PCDHAC1: variants seen among roughly 807,000 people sequenced by gnomAD.
PCDHAC1 encodes the protein protocadherin alpha-C1.
PCDHAC1 carries 42 observed loss-of-function variants against 60.0 expected under a neutral mutation model. That is an observed-to-expected ratio of 0.70 (90% CI 0.55 to 0.90). PCDHAC1 has a LOEUF of 0.90. PCDHAC1 is among the 40% of genes least tolerant of loss of function. PCDHAC1 has a pLI of 0.00. For missense variants in PCDHAC1, 1,160 were observed against 1,222.3 expected (o/e 0.95, Z 0.76); for synonymous variants, 468 against 499.3 (o/e 0.94, Z 0.84).
intron 1 of PCDHAC1, chr5:140,930,126 C>T (rs1286889846): frequency 6.6e-6 from 1 of 152,108 alleles, no homozygotes; most frequent in Non-Finnish European, 1.5e-5. Flanking sequence ...GGATATAGGA[C>T]TTGACAACCT....
rs782489417 is a variant in PCDHAC1, at chr5:140,927,802, A to C, written c.910A>C (p.Thr304Pro). 6.2e-6 allele frequency: 10 copies of C among 1,614,148 alleles called. No homozygotes were observed. The East Asian group carries it at 2.0e-4, about 32-fold the overall frequency. The change falls in exon 1 of 4, where the codon ACG becomes CCG. Residue 304 changes from threonine to proline, a missense_variant. Around this residue, in one of 3 missense-constraint regions of PCDHAC1, gnomAD observed 1,113 missense variants for 1,163.7 expected, o/e 0.96. Transcript: ENST00000253807. ...AGCTGCTTCACTAGGTCCGCCTGAA[A>C]CGCTCTTGGAGGCATACATTGAGGC... ...QVAASLGPPE[T>P]LLEAYIEARD...
At chr5:140,989,013 G>A (rs1171400170) in intron 3 of PCDHAC1, 1 of 152,208 alleles carries the variant, frequency 6.6e-6, no homozygotes, top group Non-Finnish European at 1.5e-5. Context: ...ACTTATTATA[G>A]TTTCTTCAGT....
chr5:141,005,662 A>G (rs2098227817), intron 3 of PCDHAC1, among the ~76,000 whole-genome samples: 1 of 138,324 alleles, frequency 7.2e-6, no homozygotes, highest in East Asian at 2.2e-4. Context: ...AGATCGCGCC[A>G]CTGCACTCCA....
intron 1 of PCDHAC1, among the ~76,000 whole-genome samples, chr5:140,976,972 C>T (rs969505831): frequency 2.6e-5 from 4 of 152,182 alleles, no homozygotes; most frequent in Non-Finnish European, 5.9e-5. Flanking sequence ...TTCCTTTTCC[C>T]TGCCTGATCT....
At chr5:140,989,619 TC>T (rs2097351060) in intron 3 of PCDHAC1, among the ~76,000 whole-genome samples, 1 of 152,196 alleles carries the variant, frequency 6.6e-6, no homozygotes. Flanking sequence ...TGAAAGTCTG[TC>T]CTAGTGACAG....
chr5:140,986,285 A>AGACT (rs1311762694), intron 3 of PCDHAC1, among the ~76,000 whole-genome samples: 3 of 152,134 alleles, frequency 2.0e-5, no homozygotes, highest in Admixed American at 2.0e-4. Flanking sequence ...GCTTCCCTTG[A>AGACT]GACTGAGCAG....
intron 3 of PCDHAC1, among the ~76,000 whole-genome samples, chr5:140,994,127 A>T (rs536865883): frequency 6.6e-6 from 1 of 152,348 alleles, no homozygotes; most frequent in South Asian, 2.1e-4. Flanking sequence ...GATAAGGGCG[A>T]CAATAATGCC....
chr5:140,940,983 C>G lies in PCDHAC1; in HGVS notation c.2433+11658C>G, dbSNP rs572659107. On this transcript the variant is annotated intron_variant, in intron 1 of 3. Coordinates refer to ENST00000253807, the MANE Select transcript of PCDHAC1 (RefSeq NM_018898.5). ...ATGCAGGATATCTGGTATCTAGTTA[C>G]AAGTTTATAGGATTAAATTTTCCTT... 3.9e-5 allele frequency among the ~76,000 whole-genome samples: 6 copies of G among 152,294 alleles called. No homozygotes were observed. In the South Asian group the frequency reaches 1.0e-3, roughly 26 times the overall value.
rs1379551578 is a variant in PCDHAC1, at chr5:140,929,052, C to G, written c.2160C>G (p.Arg720=). The G allele has an allele frequency of 6.2e-7, 1 of 1,614,058 alleles. No individual in the cohort carries two copies. Among genetic ancestry groups the G allele is most frequent in the African/African-American group, 1.3e-5 (1 of 74,920 alleles). Residue 720 remains arginine, a synonymous_variant, in exon 1 of 4, where the codon CGC becomes CGG. Transcript: ENST00000253807. The stretch of plus-strand genomic sequence containing the variant: ...GCTGTTGCGCTCAGAGCTGCTGTCG[C>G]TCTACAGAGGATCTGAGGTATGGAA... ...SPGCCAQSCC[R]STEDLRYGSK...
chr5:140,956,809 T>C (rs868918745), intron 1 of PCDHAC1, among the ~76,000 whole-genome samples: 2 of 152,198 alleles, frequency 1.3e-5, no homozygotes, highest in Non-Finnish European at 1.5e-5. Flanking sequence ...TATTTATTAT[T>C]GCTTCAATTT....
intron 1 of PCDHAC1, among the ~76,000 whole-genome samples, chr5:140,976,091 C>CAACTTTTCAA (rs2096700073): frequency 6.6e-6 from 1 of 152,166 alleles, no homozygotes; most frequent in Non-Finnish European, 1.5e-5. Flanking sequence ...TATCAGTAGT[C>CAACTTTTCAA]AACTTTTCAA....
Position 140,928,958 on chromosome 5 carries a change from C to T in PCDHAC1, c.2066C>T (p.Ala689Val). The T allele has an allele frequency of 6.2e-7, 1 of 1,613,930 alleles. No homozygotes were observed. The highest frequency in any genetic ancestry group is 1.1e-5 in the South Asian group (1 of 91,080). ...AQNLYLVIAL[A>V]CISFLFLGCL... ...AACTTGTATTTAGTAATTGCCTTGG[C>T]TTGTATTTCCTTTTTATTTCTGGGG... Residue 689 changes from alanine (A) to valine (V), a missense_variant, in exon 1 of 4, where the codon GCT becomes GTT. This residue lies in a region of PCDHAC1 where 1,113 missense variants were observed against 1,163.7 expected (regional missense o/e 0.96). Transcript: ENST00000253807.
In PCDHAC1 at chr5:140,928,428, C is replaced by T. The variant is rs1273911750; in HGVS notation, c.1536C>T (p.Ser512=). The part of the protein sequence containing the change: ...SSSGAITAKT[S]FDFEQLRGFH... ...GTGGGGCCATCACTGCCAAAACTTC[C>T]TTTGACTTTGAGCAGCTCAGGGGGT... The change falls in exon 1 of 4, where the codon TCC becomes TCT. Residue 512 remains serine, a synonymous_variant. Transcript: ENST00000253807. 2 of 1,614,026 alleles carry T rather than the reference C, an allele frequency of 1.2e-6. No homozygotes were observed. Among genetic ancestry groups the T allele is most frequent in the Non-Finnish European group, 8.5e-7 (1 of 1,180,038 alleles).
At chr5:140,935,564 T>A (rs1554210560) in intron 1 of PCDHAC1, among the ~76,000 whole-genome samples, 1 of 152,236 alleles carries the variant, frequency 6.6e-6, no homozygotes, top group Non-Finnish European at 1.5e-5. Context: ...GAAAAGTTCC[T>A]CTCTGTGTAG....
intron 1 of PCDHAC1, among the ~76,000 whole-genome samples, chr5:140,951,551 A>T (rs246040): frequency 0.31 from 47,721 of 151,608 alleles, 7,835 homozygotes; most frequent in East Asian, 0.53. Flanking sequence ...GACGGGGGGA[A>T]GTGCTACGCA....
chr5:140,985,508 A>G (rs2097155357), intron 3 of PCDHAC1, among the ~76,000 whole-genome samples: 1 of 152,160 alleles, frequency 6.6e-6, no homozygotes, highest in Admixed American at 6.5e-5. Context: ...CCTTTCATTG[A>G]TTCTGTTGCC....
Position 140,928,819 on chromosome 5 carries a change from G to A in PCDHAC1, c.1927G>A (p.Asp643Asn), listed in dbSNP as rs1464149149. The change falls in exon 1 of 4, where the codon GAC (aspartate) becomes AAC (asparagine). Residue 643 changes from aspartate (D) to asparagine (N), a missense_variant. Asp to Asn is a conservative substitution (Grantham distance 23, BLOSUM62 1). Coordinates refer to ENST00000253807, the MANE Select transcript of PCDHAC1 (RefSeq NM_018898.5). ...GGTGGTAGTGGTTCGGGACCATGGAGACCCACCACTTTCCTCCTCTGTCAC... is the reference window on the plus strand; with the variant it reads ...GGTGGTAGTGGTTCGGGACCATGGAAACCCACCACTTTCCTCCTCTGTCAC... Reference protein sequence around the residue: ...RVVVVVRDHGDPPLSSSVTLG... With the variant: ...RVVVVVRDHGNPPLSSSVTLG... 8 of 1,614,024 alleles carry A rather than the reference G, an allele frequency of 5.0e-6. No homozygotes were observed. In the Admixed American group the frequency reaches 1.0e-4, roughly 20 times the overall value.
intron 1 of PCDHAC1, among the ~76,000 whole-genome samples, chr5:140,964,199 A>G (rs1183847716): frequency 1.3e-5 from 2 of 152,240 alleles, no homozygotes; most frequent in Non-Finnish European, 2.9e-5. Flanking sequence ...AGAGTATACC[A>G]TCTCTTTAGT....
At chr5:140,995,000 T>A (rs149795080) in intron 3 of PCDHAC1, among the ~76,000 whole-genome samples, 1 of 152,328 alleles carries the variant, frequency 6.6e-6, no homozygotes, top group African/African-American at 2.4e-5. Flanking sequence ...GTTAGTTGGT[T>A]TGTTTATATT....
Sources: allele counts gnomAD v4.1 joint callset (sites outside exome capture counted in the v4.1 genomes callset), GRCh38; gene constraint gnomAD v4.1.1; regional missense constraint gnomAD v4.1.1; transcripts MANE v1.5; gene names NCBI Gene and HGNC (gene_info 2026-07-23, HGNC 2026-07-21).